LRRN2: variants seen among roughly 807,000 people sequenced by gnomAD.
LRRN2 encodes leucine-rich repeat neuronal protein 2.
In LRRN2, 10 loss-of-function variants were observed where a neutral mutation model predicts 35.7. The ratio of observed to expected loss-of-function variants is 0.28; its 90% CI spans 0.17 to 0.47. LRRN2 has a LOEUF of 0.47. Among genes scored for constraint, LRRN2 ranks in the 20% least tolerant of loss-of-function variants. The pLI is 0.99. For synonymous variants in LRRN2, 391 were observed against 409.6 expected, an observed-to-expected ratio of 0.95 and a Z score of 0.55; for missense variants, 731 against 940.3, an observed-to-expected ratio of 0.78 and a Z score of 2.91.
intron 1 of LRRN2, chr1:204,627,483 C>T (rs896164991): frequency 1.1e-4 from 17 of 152,236 alleles, no homozygotes; most frequent in African/African-American, 4.1e-4. Context: ...GGACTGTCCC[C>T]AGGCAGGAAT....
At chr1:204,636,278 T>A (rs1182115033) in intron 1 of LRRN2, among the ~76,000 whole-genome samples, 1 of 152,004 alleles carries the variant, frequency 6.6e-6, no homozygotes, top group Non-Finnish European at 1.5e-5. Flanking sequence ...GATAATGAGA[T>A]CCCCCAATAA....
chr1:204,666,963 A>T, intron 1 of LRRN2, among the ~76,000 whole-genome samples: 1 of 30,476 alleles, frequency 3.3e-5, no homozygotes, highest in African/African-American at 1.0e-4. Flanking sequence ...CTCTGTCTCC[A>T]AAAAAAAAAA....
intron 1 of LRRN2, among the ~76,000 whole-genome samples, chr1:204,648,074 A>G (rs1405484222): frequency 6.6e-6 from 1 of 152,156 alleles, no homozygotes; most frequent in Non-Finnish European, 1.5e-5. Flanking sequence ...CACCTCCACC[A>G]CTTACTCAGG....
At position 204,626,630 on chromosome 1, in the gene LRRN2, A is replaced by G. The variant is rs530359331; in HGVS notation, c.-226-6412T>C. On this transcript the variant is annotated intron_variant, in intron 1 of 1. Coordinates refer to ENST00000367177, the MANE Select transcript of LRRN2 (RefSeq NM_201630.2). ...GTGGCAACTTCCTCACTGTTAGGCCATGAGTCTGTCTTCCCAACCAGACTG... is the reference window on the plus strand; with the variant it reads ...GTGGCAACTTCCTCACTGTTAGGCCGTGAGTCTGTCTTCCCAACCAGACTG... The G allele has an allele frequency of 5.9e-5, 9 of 151,848 alleles. No individual in the cohort carries two copies. In the East Asian group the frequency reaches 1.8e-3, roughly 30 times the overall value. The allele number at this position is 151,848 out of a possible 1,614,324, so 9.4% of individuals were successfully genotyped here.
intron 1 of LRRN2, among the ~76,000 whole-genome samples, chr1:204,646,449 G>A (rs1668109773): frequency 6.6e-6 from 1 of 152,218 alleles, no homozygotes; most frequent in Non-Finnish European, 1.5e-5. Flanking sequence ...CAACCCAGGA[G>A]CAGTGCAGCC....
In LRRN2 at chr1:204,620,158, TCTTC is replaced by T; in HGVS notation, c.-170_-167del. ...TTCTTGCCCTCCTCAATATGCCTTCTCTTCCTTGTCCTCTGGGGCTGGGCCTGCT... is the reference window on the plus strand; with the variant it reads ...TTCTTGCCCTCCTCAATATGCCTTCTCTTGTCCTCTGGGGCTGGGCCTGCT... On this transcript the variant is annotated 5_prime_UTR_variant, in exon 2 of 2. The change abolishes the stop of an existing upstream ORF in the 5' untranslated region. Coordinates refer to ENST00000367177, the MANE Select transcript of LRRN2 (RefSeq NM_201630.2). The T allele has an allele frequency of 6.9e-7, 1 of 1,453,624 alleles. No homozygotes were observed. The allele number at this position is 1,453,624 out of a possible 1,614,324, so 90.0% of individuals were successfully genotyped here. A position where few individuals can be genotyped will look rare whatever the true frequency, so the allele number is the denominator to read the frequency against.
intron 1 of LRRN2, among the ~76,000 whole-genome samples, chr1:204,631,217 A>G (rs558467078): frequency 2.0e-4 from 27 of 132,606 alleles, no homozygotes; most frequent in African/African-American, 7.3e-4. Context: ...AGCTCAGATT[A>G]GAAGTCTACA....
intron 1 of LRRN2, among the ~76,000 whole-genome samples, chr1:204,625,188 G>A (rs1371307199): frequency 6.6e-6 from 1 of 152,212 alleles, no homozygotes; most frequent in African/African-American, 2.4e-5. Flanking sequence ...GTGTGACCTT[G>A]GGCAAAGTAC....
intron 1 of LRRN2, among the ~76,000 whole-genome samples, 172 bp downstream of exon 1, chr1:204,685,148 C>T (rs572695726): frequency 1.2e-4 from 18 of 152,344 alleles, no homozygotes; most frequent in Non-Finnish European, 2.5e-4. Flanking sequence ...CCTCCTCTGG[C>T]CCCCACCCGG....
chr1:204,644,539 C>T (rs1347310035), intron 1 of LRRN2, among the ~76,000 whole-genome samples: 1 of 152,168 alleles, frequency 6.6e-6, no homozygotes, highest in South Asian at 2.1e-4. Flanking sequence ...TCTGGAATGT[C>T]TTTCCATTCT....
intron 1 of LRRN2, among the ~76,000 whole-genome samples, chr1:204,674,456 C>T (rs555238906): frequency 8.5e-4 from 129 of 152,298 alleles, no homozygotes; most frequent in African/African-American, 3.1e-3. Context: ...GGGGGCCGGC[C>T]GGTGGCTCAG....
chr1:204,667,470 T>C (rs1668597799), intron 1 of LRRN2, among the ~76,000 whole-genome samples: 1 of 152,218 alleles, frequency 6.6e-6, no homozygotes, highest in South Asian at 2.1e-4. Context: ...AGCACTTAAA[T>C]AGCATCTAGT....
rs371641490 is a variant in LRRN2, at chr1:204,619,149, C to T, written c.844G>A (p.Ala282Thr). ...AGCTCCTTAAGGTGCAGCATGTTGG[C>T]AAAGTCCCCCGGCCCTACCCGCTGG... Reference protein sequence around the residue: ...PLQRVGPGDFANMLHLKELGL... With the variant: ...PLQRVGPGDFTNMLHLKELGL... The change falls in exon 2 of 2, where the codon GCC (alanine) becomes ACC (threonine). Residue 282 changes from alanine to threonine, a missense_variant. By Grantham distance (58) the Ala-to-Thr change is moderately conservative (BLOSUM62 0). Around this residue, in one of 3 missense-constraint regions of LRRN2, gnomAD observed 256 missense variants for 392.4 expected, o/e 0.65. Coordinates refer to ENST00000367177, the MANE Select transcript of LRRN2 (RefSeq NM_201630.2). 38 of 1,613,690 alleles carry T rather than the reference C, an allele frequency of 2.4e-5. No homozygotes were observed. The highest frequency in any genetic ancestry group is 3.2e-5 in the Non-Finnish European group (38 of 1,179,928).
intron 1 of LRRN2, among the ~76,000 whole-genome samples, chr1:204,658,811 A>G (rs955441727): frequency 4.6e-5 from 7 of 152,016 alleles, no homozygotes; most frequent in African/African-American, 9.7e-5. Context: ...ATTCGCTTTC[A>G]TCTCCTCCCC....
intron 1 of LRRN2, among the ~76,000 whole-genome samples, chr1:204,668,218 T>C (rs1668630214): frequency 6.6e-6 from 1 of 152,204 alleles, no homozygotes; most frequent in African/African-American, 2.4e-5. Context: ...TTGTTTGTGG[T>C]GCCACTCCCC....
In LRRN2 at chr1:204,618,643, T is replaced by A. The variant is rs1411315802; in HGVS notation, c.1350A>T (p.Glu450Asp). Residue 450 changes from glutamate (E) to aspartate (D), a missense_variant, in exon 2 of 2, where the codon GAA becomes GAT. Physicochemically the swap from Glu to Asp is conservative, Grantham distance 45 (BLOSUM62 2). Transcript: ENST00000367177. ...SMVLHCRALA[E>D]PEPEIYWVTP... is the part of the protein sequence containing the mutation. ...TGACCCAGTAGATCTCGGGTTCGGG[T>A]TCGGCCAGTGCCCGGCAATGCAGCA... 6.2e-7 allele frequency: 1 copy of A among 1,610,832 alleles called. No individual in the cohort carries two copies. Among genetic ancestry groups the A allele is most frequent in the African/African-American group, 1.3e-5 (1 of 74,884 alleles).
At chr1:204,676,377 T>G (rs5000782) in intron 1 of LRRN2, among the ~76,000 whole-genome samples, 136,206 of 151,910 alleles carry the variant, frequency 0.9, 62,349 homozygotes, top group East Asian at 1. Context: ...TTCTGAGCTT[T>G]GTACTGCTTC....
At chr1:204,644,047 T>C (rs560448455) in intron 1 of LRRN2, among the ~76,000 whole-genome samples, 208 of 152,262 alleles carry the variant, frequency 1.4e-3, no homozygotes, top group African/African-American at 4.6e-3. Context: ...CAACAGGCAC[T>C]CAATAAATGG....
intron 1 of LRRN2, chr1:204,633,120 T>A (rs1016789985): frequency 1.0e-4 from 14 of 139,158 alleles, no homozygotes; most frequent in Non-Finnish European, 1.7e-4. Flanking sequence ...CAGAGAGAAT[T>A]TTTTTTTTTT....
Sources: gnomAD v4.1 joint callset for allele counts (sites outside exome capture counted in the v4.1 genomes callset) on GRCh38, gnomAD v4.1.1 for gene constraint, gnomAD v4.1.1 regional missense constraint, MANE v1.5 for transcripts, NCBI Gene and HGNC (gene_info 2026-07-23, HGNC 2026-07-21) for gene names.